ABTB2: variants seen among roughly 807,000 people sequenced by gnomAD.
ABTB2 encodes ankyrin repeat and BTB domain containing 2, also known as ankyrin repeat and BTB/POZ domain-containing protein 2.
In ABTB2, 56 loss-of-function variants were observed where a neutral mutation model predicts 104.1. The observed-to-expected ratio is 0.54, with a 90% confidence interval of 0.43 to 0.67. ABTB2 has a LOEUF of 0.67. Ranked by LOEUF, ABTB2 falls within the 30% of genes least tolerant of loss-of-function variation. The probability of loss-of-function intolerance (pLI) is 0.00; values close to 1 mark genes in which losing one functional copy is unlikely to be tolerated. For missense variants in ABTB2, 1,279 were observed against 1,407.7 expected (o/e 0.91, Z 1.46); for synonymous variants, 606 against 608.2 (o/e 1.00, Z 0.05).
chr11:34,206,675 G>C (rs1853411250), intron 1 of ABTB2, among the ~76,000 whole-genome samples: 1 of 152,160 alleles, frequency 6.6e-6, no homozygotes, highest in South Asian at 2.1e-4. Flanking sequence ...GACACCCTGT[G>C]CTGAACCCCA....
chr11:34,335,324 T>A, intron 1 of ABTB2: 1 of 1,064,290 alleles, frequency 9.4e-7, no homozygotes, highest in Non-Finnish European at 1.5e-6. Context: ...AACCAGATGA[T>A]GGGTCAGTAA....
chr11:34,172,450 A>AT (rs1852895479), intron 4 of ABTB2, among the ~76,000 whole-genome samples: 1 of 115,758 alleles, frequency 8.6e-6, no homozygotes, highest in Non-Finnish European at 1.9e-5. Context: ...AGATAGATAG[A>AT]TAGATAGATA....
At chr11:34,346,231 G>A (rs982980688) in intron 1 of ABTB2, among the ~76,000 whole-genome samples, 1 of 152,144 alleles carries the variant, frequency 6.6e-6, no homozygotes, top group African/African-American at 2.4e-5. Context: ...CACAATGCCT[G>A]TCTCTGTCCC....
At chr11:34,305,654 G>A (rs1445965519) in intron 1 of ABTB2, among the ~76,000 whole-genome samples, 4 of 152,204 alleles carry the variant, frequency 2.6e-5, no homozygotes, top group Non-Finnish European at 5.9e-5. Flanking sequence ...AGAGAGACAG[G>A]AGAGGACAAG....
chr11:34,324,813 GA>G (rs1193627608), intron 1 of ABTB2, among the ~76,000 whole-genome samples: 1 of 152,156 alleles, frequency 6.6e-6, no homozygotes, highest in Non-Finnish European at 1.5e-5. Context: ...AAAGCACAAA[GA>G]CGCACAAAGA....
intron 1 of ABTB2, among the ~76,000 whole-genome samples, chr11:34,345,239 C>T (rs191868309): frequency 1.3e-4 from 20 of 152,318 alleles, no homozygotes; most frequent in Admixed American, 2.6e-4. Flanking sequence ...CCCAGCCGCA[C>T]GGAAGGAGCT....
rs559405064 is a variant in ABTB2 at position 34,229,531 on chromosome 11, G to T, written c.884-24841C>A. Among the ~76,000 whole-genome samples the T allele has an allele frequency of 4.6e-5, 7 of 151,910 alleles. No homozygotes were observed. The South Asian group carries it at 1.5e-3, about 32-fold the overall frequency. ...TTATTTATTCTTTGCTACCAAATCG[G>T]CAGTGACTTCTGTGCTAGAATGGGT... On this transcript the variant is annotated intron_variant, in intron 1 of 16. Coordinates refer to ENST00000435224, the MANE Select transcript of ABTB2 (RefSeq NM_145804.3).
intron 1 of ABTB2, among the ~76,000 whole-genome samples, chr11:34,269,761 GGCCCTA>G (rs1854292198): frequency 6.6e-6 from 1 of 152,200 alleles, no homozygotes; most frequent in South Asian, 2.1e-4. Flanking sequence ...TTGGCCCACT[GGCCCTA>G]GCTTGTCAAC....
At chr11:34,172,998 G>T (rs367844410) in intron 4 of ABTB2, among the ~76,000 whole-genome samples, 157 bp downstream of exon 4, 2 of 152,230 alleles carry the variant, frequency 1.3e-5, no homozygotes, top group African/African-American at 4.8e-5. Context: ...CCATACTCAG[G>T]CTTGGCCTTT....
intron 1 of ABTB2, among the ~76,000 whole-genome samples, chr11:34,340,174 C>G (rs531237844): frequency 3.9e-4 from 59 of 152,374 alleles, no homozygotes; most frequent in African/African-American, 1.2e-3. Context: ...TCACTTTACA[C>G]ACTAAACCCC....
chr11:34,169,346 CTA>C (rs1852839692), intron 5 of ABTB2, among the ~76,000 whole-genome samples: 1 of 152,156 alleles, frequency 6.6e-6, no homozygotes, highest in Non-Finnish European at 1.5e-5. Context: ...AGCAATACGA[CTA>C]CAATAATCAT....
intron 1 of ABTB2, among the ~76,000 whole-genome samples, chr11:34,257,788 C>T (rs1453559081): frequency 6.6e-6 from 1 of 152,080 alleles, no homozygotes. Flanking sequence ...TAGGGTCTTG[C>T]TATGTTGCCC....
rs373256636 is a variant in ABTB2, at chr11:34,337,498, G to A, written c.883+19203C>T. 8.5e-5 allele frequency among the ~76,000 whole-genome samples: 13 copies of A among 152,346 alleles called. No individual in the cohort carries two copies. In the East Asian group the frequency reaches 2.5e-3, roughly 29 times the overall value. ...TGCAGGATTCTTATTTGACCCAATA[G>A]CCTAATGCTTTTGATTAAAACTTTC... On this transcript the variant is annotated intron_variant, in intron 1 of 16. Coordinates refer to ENST00000435224, the MANE Select transcript of ABTB2 (RefSeq NM_145804.3).
chr11:34,327,480 G>C (rs955061952), intron 1 of ABTB2, among the ~76,000 whole-genome samples: 1 of 152,112 alleles, frequency 6.6e-6, no homozygotes, highest in Admixed American at 6.5e-5. Flanking sequence ...TCACTCTCAG[G>C]CCTCAGGCAC....
intron 1 of ABTB2, among the ~76,000 whole-genome samples, chr11:34,247,146 C>A (rs1365876027): frequency 6.6e-6 from 1 of 152,174 alleles, no homozygotes; most frequent in Non-Finnish European, 1.5e-5. Context: ...TGCACCTGGC[C>A]CCCAGAAGTT....
rs565176864 is a variant in ABTB2 at position 34,221,657 on chromosome 11, A to C, written c.884-16967T>G. Among the ~76,000 whole-genome samples, 25 of 152,306 alleles carry C rather than the reference A, an allele frequency of 1.6e-4. No homozygotes were observed. In the Middle Eastern group the frequency reaches 0.017, roughly 104 times the overall value. On this transcript the variant is annotated intron_variant, in intron 1 of 16. Coordinates refer to ENST00000435224, the MANE Select transcript of ABTB2 (RefSeq NM_145804.3). ...TCATTCAGCTTGAATAGGGGGGCTC[A>C]ACGCTCCCCTCACGGGGCAATCCTC...
chr11:34,198,865 G>A (rs1414556354), intron 2 of ABTB2, among the ~76,000 whole-genome samples: 3 of 152,214 alleles, frequency 2.0e-5, no homozygotes, highest in Non-Finnish European at 4.4e-5. Context: ...GTCAGCTTCA[G>A]CCTCACCCCT....
intron 1 of ABTB2, among the ~76,000 whole-genome samples, chr11:34,226,227 A>G (rs1233135865): frequency 3.4e-5 from 5 of 149,088 alleles, no homozygotes; most frequent in Non-Finnish European, 7.4e-5. Context: ...AAAAAAAAAA[A>G]GAAGCCACTA....
At chr11:34,197,158 C>T (rs570195050) in intron 3 of ABTB2, among the ~76,000 whole-genome samples, 167 bp downstream of exon 3, 2 of 152,352 alleles carry the variant, frequency 1.3e-5, no homozygotes, top group East Asian at 3.9e-4. Flanking sequence ...CACACCAGTG[C>T]AGGCCTTCAT....
Sources: allele counts gnomAD v4.1 joint callset (sites outside exome capture counted in the v4.1 genomes callset), GRCh38; gene constraint gnomAD v4.1.1; transcripts MANE v1.5; gene names NCBI Gene and HGNC (gene_info 2026-07-23, HGNC 2026-07-21).